The following NKAPD1 variants were observed in gnomAD, a reference collection of about 807,000 sequenced individuals.
NKAPD1 encodes NKAP domain containing 1.
Under a neutral mutation model 30.9 loss-of-function variants are expected in NKAPD1, and 12 were observed. That is an observed-to-expected ratio of 0.39 (90% CI 0.25 to 0.63). The LOEUF is 0.63. Ranked by LOEUF, NKAPD1 falls within the 20% of genes least tolerant of loss-of-function variation. NKAPD1 has a pLI of 0.51. For missense variants in NKAPD1, 311 were observed against 344.5 expected (o/e 0.90, Z 0.77); for synonymous variants, 91 against 113.6 (o/e 0.80, Z 1.26).
chr11:112,077,684 T>A (rs1592763778), intron 2 of NKAPD1, among the ~76,000 whole-genome samples: 1 of 152,318 alleles, frequency 6.6e-6, no homozygotes, highest in Non-Finnish European at 1.5e-5. Context: ...TGCAGCGGTT[T>A]AAAAATTCTA....
chr11:112,078,362 AATC>A, intron 3 of NKAPD1, 47 bp downstream of exon 3: 1 of 1,421,598 alleles, frequency 7.0e-7, no homozygotes, highest in Admixed American at 1.8e-5. Context: ...TCTTTTTCAG[AATC>A]ATCAACTTTT....
intron 2 of NKAPD1, among the ~76,000 whole-genome samples, chr11:112,077,614 T>C (rs965900576): frequency 6.6e-6 from 1 of 152,250 alleles, no homozygotes; most frequent in Non-Finnish European, 1.5e-5. Context: ...TTTGGAAATG[T>C]GGCATTATCA....
chr11:112,078,013 T>C (rs971904791), intron 2 of NKAPD1, among the ~76,000 whole-genome samples: 2 of 151,948 alleles, frequency 1.3e-5, no homozygotes, highest in Admixed American at 6.6e-5. Context: ...GCCCGGCTAA[T>C]TTTTGTATTT....
intron 3 of NKAPD1, among the ~76,000 whole-genome samples, chr11:112,078,960 T>C (rs1474206112): frequency 6.6e-6 from 1 of 152,210 alleles, no homozygotes; most frequent in Non-Finnish European, 1.5e-5. Flanking sequence ...CTTAGTTATC[T>C]TCCTTGTGGA....
In NKAPD1 at chr11:112,080,425, G is replaced by A. The variant is rs1447888667; in HGVS notation, c.187G>A (p.Gly63Ser). The A allele has an allele frequency of 1.2e-6, 2 of 1,613,834 alleles. No homozygotes were observed. Among genetic ancestry groups the A allele is most frequent in the Non-Finnish European group, 1.7e-6 (2 of 1,179,986 alleles). The change falls in exon 4 of 6, where the codon GGT (glycine) becomes AGT (serine). Residue 63 changes from glycine (G) to serine (S), a missense_variant. Coordinates refer to ENST00000393047, the MANE Select transcript of NKAPD1 (RefSeq NM_018195.4). ...CTCTTTTAGCCGGATGCGCAGTGAT[G>A]GTTTTGATGAAGAAAGTCAAAGATA... ...PSSSSRMRSDGFDEESQRYYW... is the reference protein window; with the variant it reads ...PSSSSRMRSDSFDEESQRYYW...
chr11:112,083,075 G>A lies in NKAPD1; in HGVS notation c.*103G>A. ...GTTCAGCACGGGGCCTGAGGTCAGA[G>A]CTGTCTTGTGCCATCTGTATGTTCT... On this transcript the variant is annotated 3_prime_UTR_variant, in exon 6 of 6. Coordinates refer to ENST00000393047, the MANE Select transcript of NKAPD1 (RefSeq NM_018195.4). 8.3e-7 allele frequency: 1 copy of A among 1,201,780 alleles called. No homozygotes were observed. Among genetic ancestry groups the A allele is most frequent in the Non-Finnish European group, 1.1e-6 (1 of 889,728 alleles). The allele number at this position is 1,201,780 out of a possible 1,614,324, so 74.4% of individuals were successfully genotyped here. A position where few individuals can be genotyped will look rare whatever the true frequency, so the allele number is the denominator to read the frequency against.
rs747204264 is a variant in NKAPD1, at chr11:112,075,558, T to C, written c.-8-9T>C. On this transcript the variant is annotated splice_polypyrimidine_tract_variant and intron_variant, in intron 1 of 5. Transcript: ENST00000393047. ...TTATTACTAAACGTTATTTGTTGAT[T>C]CATTTCAGATTGAAGAATGTCCCGG... 1 of 1,585,548 alleles carries C rather than the reference T, an allele frequency of 6.3e-7. No individual in the cohort carries two copies. The highest frequency in any genetic ancestry group is 8.6e-7 in the Non-Finnish European group (1 of 1,158,834).
intron 1 of NKAPD1, among the ~76,000 whole-genome samples, chr11:112,075,316 T>G (rs1191108090): frequency 6.6e-6 from 1 of 152,244 alleles, no homozygotes; most frequent in Non-Finnish European, 1.5e-5. Flanking sequence ...ATGGTGCTCA[T>G]GAAAGCACTT....
intron 3 of NKAPD1, among the ~76,000 whole-genome samples, chr11:112,079,835 G>A (rs899115273): frequency 2.0e-5 from 3 of 150,072 alleles, no homozygotes; most frequent in Non-Finnish European, 3.0e-5. Flanking sequence ...TTCCTGAGAC[G>A]GAGTCTCACT....
At chr11:112,075,539 C>T in intron 1 of NKAPD1, 28 bp from the exon 2 acceptor site, 2 of 1,525,212 alleles carry the variant, frequency 1.3e-6, no homozygotes, top group Non-Finnish European at 1.8e-6. Flanking sequence ...GAAATTATTA[C>T]TAAACGTTAT....
At chr11:112,075,508 A>G in intron 1 of NKAPD1, 59 bp from the exon 2 acceptor site, 1 of 1,332,096 alleles carries the variant, frequency 7.5e-7, no homozygotes, top group Non-Finnish European at 1.1e-6. Context: ...TAAAACTTCA[A>G]GAAAAGATAA....
chr11:112,078,396 A>T, intron 3 of NKAPD1, 81 bp downstream of exon 3: 2 of 1,129,032 alleles, frequency 1.8e-6, no homozygotes, highest in Non-Finnish European at 2.6e-6. Flanking sequence ...ACTTTGGTAT[A>T]TTAAGGATAA....
chr11:112,077,147 TTATCA>T (rs1426531122), intron 2 of NKAPD1, among the ~76,000 whole-genome samples: 4 of 152,242 alleles, frequency 2.6e-5, no homozygotes, highest in African/African-American at 4.8e-5. Context: ...CATATTATTA[TTATCA>T]TATCACCTGA....
At position 112,083,776 on chromosome 11, in the gene NKAPD1, C is replaced by T. The variant is rs1468452166; in HGVS notation, c.*804C>T. ...AATAATCATGTTGTCTAATGGTACT[C>T]TGGATTCAGGGCAGCAACTGCCATT... is the stretch of plus-strand genomic sequence containing the variant. On this transcript the variant is annotated 3_prime_UTR_variant, in exon 6 of 6. Transcript: ENST00000393047. 1 of 152,564 alleles carries T rather than the reference C, an allele frequency of 6.6e-6. No homozygotes were observed. Among genetic ancestry groups the T allele is most frequent in the Non-Finnish European group, 1.5e-5 (1 of 68,034 alleles). The allele number at this position is 152,564 out of a possible 1,614,324, so 9.5% of individuals were successfully genotyped here.
In NKAPD1 at chr11:112,074,409, G is replaced by A. The variant is rs1857073472; in HGVS notation, c.-516G>A. 4 of 399,224 alleles carry A rather than the reference G, an allele frequency of 1.0e-5. No individual in the cohort carries two copies. In the East Asian group the frequency reaches 1.4e-4, roughly 14 times the overall value. 24.7% of individuals were successfully genotyped at this position (399,224 alleles called of 1,614,324 possible). On this transcript the variant is annotated 5_prime_UTR_variant, in exon 1 of 6. Coordinates refer to ENST00000393047, the MANE Select transcript of NKAPD1 (RefSeq NM_018195.4). Reference sequence around the variant, plus strand: ...TGTGGGGAGGGCGTTTGGAGGGAAGGTTACCGGGAGCTCCGAGGCCGCTGG... The same window carrying A: ...TGTGGGGAGGGCGTTTGGAGGGAAGATTACCGGGAGCTCCGAGGCCGCTGG...
chr11:112,079,893 C>G (rs1865408935), intron 3 of NKAPD1, among the ~76,000 whole-genome samples: 1 of 151,930 alleles, frequency 6.6e-6, no homozygotes, highest in Non-Finnish European at 1.5e-5. Flanking sequence ...CTCACTGCAA[C>G]CTCTGCCTCC....
rs758340753 is a variant in NKAPD1, at chr11:112,075,635, C to A, written c.61C>A (p.His21Asn). 6.2e-6 allele frequency: 10 copies of A among 1,608,010 alleles called. No homozygotes were observed. Among genetic ancestry groups the A allele is most frequent in the Non-Finnish European group, 8.5e-6 (10 of 1,178,326 alleles). ...LRNVIRHTDA[H>N]NKIQEESDMW... ...GAATGTCATCCGGCACACAGATGCTCACAATAAGGTGGGAGGTACAACCTA... is the reference window on the plus strand; with the variant it reads ...GAATGTCATCCGGCACACAGATGCTAACAATAAGGTGGGAGGTACAACCTA... The change falls in exon 2 of 6, where the codon CAC becomes AAC. Residue 21 changes from histidine to asparagine, a missense_variant. Transcript: ENST00000393047.
Position 112,084,737 on chromosome 11 carries a change from C to T in NKAPD1, c.*1765C>T, listed in dbSNP as rs1039888647. ...TCCAGGAAATTGGCTCTATTTGGGT[C>T]CTGACCTTCCCTTCCTCCCAAGTTA... On this transcript the variant is annotated 3_prime_UTR_variant, in exon 6 of 6. Transcript: ENST00000393047. 4.0e-5 allele frequency: 6 copies of T among 151,744 alleles called. No homozygotes were observed. Among genetic ancestry groups the T allele is most frequent in the Admixed American group, 2.0e-4 (3 of 15,176 alleles). The allele number at this position is 151,744 out of a possible 1,614,324, so 9.4% of individuals were successfully genotyped here. A position where few individuals can be genotyped will look rare whatever the true frequency, so the allele number is the denominator to read the frequency against.
chr11:112,082,257 C>T, intron 5 of NKAPD1: 1 of 658,554 alleles, frequency 1.5e-6, no homozygotes, highest in East Asian at 2.8e-5. Flanking sequence ...CATACAGTAA[C>T]TCAGTATGGC....
Sources: gnomAD v4.1 joint callset for allele counts (sites outside exome capture counted in the v4.1 genomes callset) on GRCh38, gnomAD v4.1.1 for gene constraint, MANE v1.5 for transcripts, NCBI Gene and HGNC (gene_info 2026-07-23, HGNC 2026-07-21) for gene names.